CADPS: variants seen among roughly 807,000 people sequenced by gnomAD.
The protein encoded by CADPS is calcium-dependent secretion activator 1.
A neutral mutation model predicts 167.3 loss-of-function variants in CADPS; 57 were observed. The observed-to-expected ratio is 0.34, with a 90% confidence interval of 0.28 to 0.42. CADPS has a LOEUF of 0.42. CADPS is among the 20% of genes least tolerant of loss of function. The pLI is 1.00. For synonymous variants in CADPS, 676 were observed against 635.3 expected, an observed-to-expected ratio of 1.06 and a Z score of -0.96; for missense variants, 1,414 against 1,738.1, an observed-to-expected ratio of 0.81 and a Z score of 3.32.
At chr3:62,456,807 A>G (rs991974032) in intron 26 of CADPS, among the ~76,000 whole-genome samples, 7 of 152,062 alleles carry the variant, frequency 4.6e-5, no homozygotes, top group African/African-American at 1.4e-4. Flanking sequence ...CTGAAATATA[A>G]GTAAGATAGT....
intron 11 of CADPS, among the ~76,000 whole-genome samples, chr3:62,546,518 G>A (rs777904760): frequency 6.6e-6 from 1 of 152,154 alleles, no homozygotes; most frequent in Non-Finnish European, 1.5e-5. Context: ...TACAGCAGCT[G>A]TGAAGTAATT....
intron 1 of CADPS, among the ~76,000 whole-genome samples, chr3:62,847,348 T>C (rs2077662584): frequency 1.5e-5 from 2 of 135,470 alleles, no homozygotes; most frequent in African/African-American, 5.7e-5. Flanking sequence ...TACATATGTA[T>C]ACATGTGCCA....
chr3:62,432,051 AC>A (rs1348891926), intron 28 of CADPS, among the ~76,000 whole-genome samples: 1 of 150,902 alleles, frequency 6.6e-6, no homozygotes, highest in African/African-American at 2.4e-5. Flanking sequence ...CTCTGCCCCC[AC>A]CCCCCAAAAC....
At chr3:62,868,439 G>A (rs909377847) in intron 1 of CADPS, among the ~76,000 whole-genome samples, 4 of 151,660 alleles carry the variant, frequency 2.6e-5, no homozygotes, top group African/African-American at 9.7e-5. Context: ...ATCCCTTTTT[G>A]CAAATCCATA....
chr3:62,808,671 G>C (rs1185696271), intron 1 of CADPS, among the ~76,000 whole-genome samples: 1 of 151,968 alleles, frequency 6.6e-6, no homozygotes, highest in Non-Finnish European at 1.5e-5. Flanking sequence ...GCCCTGTCCT[G>C]GGTGTCCTTT....
chr3:62,643,994 G>A (rs772099884), intron 6 of CADPS, among the ~76,000 whole-genome samples: 14 of 152,192 alleles, frequency 9.2e-5, no homozygotes, highest in Non-Finnish European at 1.8e-4. Flanking sequence ...GTGTGACAAG[G>A]TGCATTGGTT....
chr3:62,523,443 T>A lies in CADPS; in HGVS notation c.2292-5193A>T, dbSNP rs183937941. On this transcript the variant is annotated intron_variant, in intron 13 of 29. Transcript: ENST00000383710. ...GTGAAATGAATTTACCTCTTTAGTG[T>A]TGTTAAATTGTCACTACACACCCAG... 7.9e-4 allele frequency among the ~76,000 whole-genome samples: 120 copies of A among 152,322 alleles called. 1 individual carries two copies. Among genetic ancestry groups the A allele is most frequent in the Non-Finnish European group, 1.2e-4 (8 of 68,014 alleles).
intron 3 of CADPS, among the ~76,000 whole-genome samples, chr3:62,718,436 G>A (rs2075105724): frequency 6.6e-6 from 1 of 152,200 alleles, no homozygotes; most frequent in Non-Finnish European, 1.5e-5. Context: ...AACTCAAAGA[G>A]AAATGACCAG....
chr3:62,706,232 T>G (rs34966711), intron 3 of CADPS, among the ~76,000 whole-genome samples: 12,081 of 152,248 alleles, frequency 0.079, 633 homozygotes, highest in Non-Finnish European at 0.12. Context: ...GATGTCCTCA[T>G]CATAGTAAAT....
At chr3:62,614,827 A>G (rs1425723250) in intron 6 of CADPS, among the ~76,000 whole-genome samples, 3 of 152,220 alleles carry the variant, frequency 2.0e-5, no homozygotes, top group Non-Finnish European at 4.4e-5. Context: ...TATGCAGATC[A>G]CTAACTAGCT....
chr3:62,815,031 T>G (rs1191548694), intron 1 of CADPS, among the ~76,000 whole-genome samples: 1 of 152,210 alleles, frequency 6.6e-6, no homozygotes, highest in Non-Finnish European at 1.5e-5. Flanking sequence ...GTTCTGTCCT[T>G]TTTACATGTA....
At chr3:62,865,388 A>T (rs868745656) in intron 1 of CADPS, among the ~76,000 whole-genome samples, 8 of 141,462 alleles carry the variant, frequency 5.7e-5, no homozygotes, top group African/African-American at 2.2e-4. Context: ...TAAGGATTAA[A>T]AAAAAAAAAA....
intron 1 of CADPS, among the ~76,000 whole-genome samples, chr3:62,788,802 A>G (rs1365737678): frequency 6.6e-6 from 1 of 152,218 alleles, no homozygotes; most frequent in Non-Finnish European, 1.5e-5. Context: ...CTCCTTATGA[A>G]GGAAAGCAGG....
chr3:62,605,962 AT>A (rs966668191), intron 6 of CADPS, among the ~76,000 whole-genome samples: 29 of 151,212 alleles, frequency 1.9e-4, no homozygotes, highest in African/African-American at 6.8e-4. Flanking sequence ...TTTGGGTCTG[AT>A]TTTTTTTTGG....
chr3:62,794,487 G>A (rs115366337), intron 1 of CADPS, among the ~76,000 whole-genome samples: 1 of 152,260 alleles, frequency 6.6e-6, no homozygotes, highest in Non-Finnish European at 1.5e-5. Flanking sequence ...CTGGTAAGTG[G>A]AGCAGGTAGT....
intron 3 of CADPS, among the ~76,000 whole-genome samples, chr3:62,691,121 T>C (rs2079023448): frequency 6.6e-6 from 1 of 151,892 alleles, no homozygotes; most frequent in Non-Finnish European, 1.5e-5. Flanking sequence ...CTCTGGAAAG[T>C]GCACCTATGG....
chr3:62,617,039 T>C (rs1013847904), intron 6 of CADPS, among the ~76,000 whole-genome samples: 10 of 152,214 alleles, frequency 6.6e-5, no homozygotes, highest in African/African-American at 2.2e-4. Flanking sequence ...TAAACATTAA[T>C]TGATAATCTA....
chr3:62,522,101 C>G (rs2070763008), intron 13 of CADPS, among the ~76,000 whole-genome samples: 1 of 111,058 alleles, frequency 9.0e-6, no homozygotes, highest in Non-Finnish European at 1.9e-5. Flanking sequence ...AAAGCTCTAT[C>G]TATCTATCTA....
At chr3:62,805,508 C>T (rs890050819) in intron 1 of CADPS, among the ~76,000 whole-genome samples, 2 of 152,164 alleles carry the variant, frequency 1.3e-5, no homozygotes, top group African/African-American at 4.8e-5. Flanking sequence ...GTGTTTTTCT[C>T]AATCTTCATT....
Sources: gnomAD v4.1 joint callset for allele counts (sites outside exome capture counted in the v4.1 genomes callset) on GRCh38, gnomAD v4.1.1 for gene constraint, MANE v1.5 for transcripts, NCBI Gene and HGNC (gene_info 2026-07-23, HGNC 2026-07-21) for gene names.